The following COLEC10 variants were observed in gnomAD, a reference collection of about 807,000 sequenced individuals.
COLEC10 encodes collectin-10.
Under a neutral mutation model 28.4 loss-of-function variants are expected in COLEC10, and 22 were observed. The ratio of observed to expected loss-of-function variants is 0.78; its 90% CI spans 0.55 to 1.11. The LOEUF is 1.11. Ranked by LOEUF, COLEC10 falls within the 50% of genes least tolerant of loss-of-function variation. The pLI is 0.00. For missense variants in COLEC10, 361 were observed against 344.1 expected, an observed-to-expected ratio of 1.05 and a Z score of -0.39; for synonymous variants, 125 against 116.1, an observed-to-expected ratio of 1.08 and a Z score of -0.49.
At chr8:119,049,778 T>A (rs1215114046) in intron 2 of COLEC10, among the ~76,000 whole-genome samples, 2 of 152,202 alleles carry the variant, frequency 1.3e-5, no homozygotes, top group African/African-American at 4.8e-5. Context: ...CATTAAGTCA[T>A]CTTACCTGAT....
chr8:119,050,616 C>A (rs148556696), intron 2 of COLEC10, among the ~76,000 whole-genome samples: 2 of 152,060 alleles, frequency 1.3e-5, no homozygotes, highest in African/African-American at 4.8e-5. Flanking sequence ...TAAGACAACA[C>A]AAAATTGAAT....
chr8:119,034,805 G>C (rs78203356), intron 2 of COLEC10, among the ~76,000 whole-genome samples: 1 of 152,184 alleles, frequency 6.6e-6, no homozygotes, highest in African/African-American at 2.4e-5. Context: ...ACACTTACTA[G>C]CTGTGTGATT....
chr8:118,961,479 T>G, the COLEC10 span, among the ~76,000 whole-genome samples: 1 of 152,228 alleles, frequency 6.6e-6, no homozygotes, highest in Non-Finnish European at 1.5e-5. Context: ...GTGGCTCATC[T>G]GATTCAGGCG....
At chr8:119,044,865 C>T (rs1346588018) in intron 2 of COLEC10, among the ~76,000 whole-genome samples, 1 of 150,678 alleles carries the variant, frequency 6.6e-6, no homozygotes, top group Admixed American at 6.6e-5. Context: ...AAAGAAACCA[C>T]AACTGAGAGT....
intron 2 of COLEC10, among the ~76,000 whole-genome samples, chr8:119,018,733 T>G (rs1814036827): frequency 6.6e-6 from 1 of 152,192 alleles, no homozygotes; most frequent in Non-Finnish European, 1.5e-5. Context: ...GTCCAAATCA[T>G]GTAGAAACAT....
chr8:119,033,526 C>T (rs2130133564), intron 2 of COLEC10, among the ~76,000 whole-genome samples: 1 of 152,172 alleles, frequency 6.6e-6, no homozygotes, highest in South Asian at 2.1e-4. Flanking sequence ...CTAGAATCTA[C>T]AAGAAACTTA....
At chr8:119,044,149 T>C (rs1381229725) in intron 2 of COLEC10, among the ~76,000 whole-genome samples, 2 of 152,230 alleles carry the variant, frequency 1.3e-5, no homozygotes, top group Non-Finnish European at 1.5e-5. Context: ...TAATAATCAA[T>C]AGTGTCCTCA....
chr8:119,079,413 T>C (rs1159938137), intron 1 of COLEC10, among the ~76,000 whole-genome samples: 1 of 152,192 alleles, frequency 6.6e-6, no homozygotes, highest in Admixed American at 6.6e-5. Context: ...CCAGATCCTA[T>C]GCTCTTAACA....
At chr8:119,034,983 G>T (rs149254239) in intron 2 of COLEC10, among the ~76,000 whole-genome samples, 1 of 152,134 alleles carries the variant, frequency 6.6e-6, no homozygotes, top group East Asian at 1.9e-4. Flanking sequence ...TAGCAAAGAC[G>T]AGTATTCTGA....
At chr8:118,961,594 C>T in the COLEC10 span, among the ~76,000 whole-genome samples, 3 of 152,178 alleles carry the variant, frequency 2.0e-5, no homozygotes, top group African/African-American at 7.2e-5. Flanking sequence ...TCTTGGCCTG[C>T]CTCCCTCTCC....
the COLEC10 span, among the ~76,000 whole-genome samples, chr8:118,965,711 G>A: frequency 1.9e-4 from 29 of 152,100 alleles, no homozygotes; most frequent in Non-Finnish European, 3.4e-4. Flanking sequence ...TTCAAAACAA[G>A]AAAAGAAGAA....
chr8:119,093,377 T>G (rs975253511), intron 3 of COLEC10, among the ~76,000 whole-genome samples: 1 of 152,168 alleles, frequency 6.6e-6, no homozygotes, highest in East Asian at 1.9e-4. Flanking sequence ...GAAGAGAAAT[T>G]GCTATGGGTG....
At chr8:118,985,330 C>T in the COLEC10 span, among the ~76,000 whole-genome samples, 1 of 152,080 alleles carries the variant, frequency 6.6e-6, no homozygotes, top group Non-Finnish European at 1.5e-5. Flanking sequence ...GCCCACCATT[C>T]TGCAAAACCT....
chr8:119,027,937 G>T (rs1342419047), intron 2 of COLEC10, among the ~76,000 whole-genome samples: 2 of 152,142 alleles, frequency 1.3e-5, no homozygotes, highest in Non-Finnish European at 2.9e-5. Flanking sequence ...TCATAACTCA[G>T]TTCACATTAG....
upstream of COLEC10, among the ~76,000 whole-genome samples, chr8:119,064,335 T>A (rs1007079041): frequency 6.6e-6 from 1 of 152,216 alleles, no homozygotes; most frequent in African/African-American, 2.4e-5. Context: ...GAAAATTTTT[T>A]AAGGACTATT....
the COLEC10 span, among the ~76,000 whole-genome samples, chr8:118,954,730 A>AC: frequency 6.6e-6 from 1 of 152,084 alleles, no homozygotes; most frequent in Non-Finnish European, 1.5e-5. Flanking sequence ...TTTTGGATTG[A>AC]CCCCCAGTGA....
Position 119,091,062 on chromosome 8 carries a change from G to A in COLEC10, c.221-87G>A. 3.0e-6 allele frequency: 3 copies of A among 995,656 alleles called. 1 individual carries two copies. Among genetic ancestry groups the A allele is most frequent in the South Asian group, 2.7e-5 (2 of 75,050 alleles). The allele number at this position is 995,656 out of a possible 1,614,324, so 61.7% of individuals were successfully genotyped here. A position where few individuals can be genotyped will look rare whatever the true frequency, so the allele number is the denominator to read the frequency against. Reference sequence around the variant, plus strand: ...CACTGGTAGAAGAATATACTTGTTGGTATTTCTTTCAAGTGAATATCACAT... The same window carrying A: ...CACTGGTAGAAGAATATACTTGTTGATATTTCTTTCAAGTGAATATCACAT... On this transcript the variant is annotated intron_variant, in intron 2 of 5. Coordinates refer to ENST00000332843, the MANE Select transcript of COLEC10 (RefSeq NM_006438.5).
At chr8:119,101,219 G>A (rs796929695) in intron 3 of COLEC10, among the ~76,000 whole-genome samples, 1 of 152,080 alleles carries the variant, frequency 6.6e-6, no homozygotes, top group Non-Finnish European at 1.5e-5. Flanking sequence ...ACATTCCTGT[G>A]AGGGTAAGCT....
the COLEC10 span, among the ~76,000 whole-genome samples, chr8:118,962,543 T>C: frequency 2.6e-5 from 4 of 152,348 alleles, no homozygotes; most frequent in African/African-American, 9.6e-5. Context: ...ATCACCACAA[T>C]CAAGGTAATA....
Sources: gnomAD v4.1 joint callset for allele counts (sites outside exome capture counted in the v4.1 genomes callset) on GRCh38, gnomAD v4.1.1 for gene constraint, MANE v1.5 for transcripts, NCBI Gene and HGNC (gene_info 2026-07-23, HGNC 2026-07-21) for gene names.